The following ZC3H18 variants were observed in gnomAD, a reference collection of about 807,000 sequenced individuals.
ZC3H18 encodes zinc finger CCCH-type containing 18.
In ZC3H18, 8 loss-of-function variants were observed where a neutral mutation model predicts 106.1. That is an observed-to-expected ratio of 0.08 (90% CI 0.04 to 0.14). ZC3H18 has a LOEUF of 0.14. Among genes scored for constraint, ZC3H18 ranks in the 10% least tolerant of loss-of-function variants. ZC3H18 has a pLI of 1.00. For synonymous variants in ZC3H18, 635 were observed against 522.1 expected, an observed-to-expected ratio of 1.22 and a Z score of -2.95; for missense variants, 1,318 against 1,278.4, an observed-to-expected ratio of 1.03 and a Z score of -0.47.
At chr16:88,616,299 C>T (rs955975718) in intron 8 of ZC3H18, among the ~76,000 whole-genome samples, 1 of 152,264 alleles carries the variant, frequency 6.6e-6, no homozygotes, top group Non-Finnish European at 1.5e-5. Context: ...GCTCTTCCCA[C>T]CTGTTTCTGA....
In ZC3H18 at chr16:88,611,155, C is replaced by T. The variant is rs1905250079; in HGVS notation, c.1207-113C>T. 7.3e-6 allele frequency: 5 copies of T among 686,292 alleles called. No homozygotes were observed. The South Asian group carries it at 8.6e-5, about 12-fold the overall frequency. The allele number at this position is 686,292 out of a possible 1,614,324, so 42.5% of individuals were successfully genotyped here. ...GTTTTGTGTGTAGGTTTGTGGGGTA[C>T]AGGTGTGATTCTGTGACACAGACAG... is the stretch of plus-strand genomic sequence containing the variant. On this transcript the variant is annotated intron_variant, in intron 7 of 17. Coordinates refer to ENST00000301011, the MANE Select transcript of ZC3H18 (RefSeq NM_144604.4).
intron 3 of ZC3H18, among the ~76,000 whole-genome samples, chr16:88,587,173 C>T (rs769396384): frequency 6.6e-6 from 1 of 152,180 alleles, no homozygotes; most frequent in African/African-American, 2.4e-5. Context: ...GGGCTCTCTC[C>T]TGTAGAAGGA....
intron 10 of ZC3H18, 117 bp downstream of exon 10, chr16:88,623,461 C>A: frequency 7.2e-7 from 1 of 1,388,352 alleles, no homozygotes; most frequent in Non-Finnish European, 9.7e-7. Flanking sequence ...TCCCTGCTGG[C>A]AGCTGAACTA....
chr16:88,586,445 A>G (rs1028866632), intron 2 of ZC3H18, among the ~76,000 whole-genome samples, 155 bp from the exon 3 acceptor site: 51 of 152,166 alleles, frequency 3.4e-4, no homozygotes, highest in African/African-American at 1.2e-3. Context: ...CCTGCTATGT[A>G]GATCTGGGAC....
intron 4 of ZC3H18, 124 bp downstream of exon 4, chr16:88,598,450 C>T (rs1357414948): frequency 2.2e-5 from 33 of 1,487,970 alleles, no homozygotes; most frequent in Non-Finnish European, 2.5e-5. Flanking sequence ...CTGCTTCTGT[C>T]GTCCCGAGTG....
chr16:88,625,544 G>A (rs1906251276), intron 13 of ZC3H18: 1 of 474,400 alleles, frequency 2.1e-6, no homozygotes, highest in South Asian at 2.2e-5. Flanking sequence ...CTGCTGACTT[G>A]ATGCCCAGCA....
At chr16:88,583,740 C>T (rs1405980888) in intron 2 of ZC3H18, among the ~76,000 whole-genome samples, 1 of 152,216 alleles carries the variant, frequency 6.6e-6, no homozygotes, top group African/African-American at 2.4e-5. Context: ...TCTCCTCACA[C>T]TCACCCTCAG....
At chr16:88,584,637 T>C (rs1241928435) in intron 2 of ZC3H18, among the ~76,000 whole-genome samples, 1 of 152,196 alleles carries the variant, frequency 6.6e-6, no homozygotes, top group African/African-American at 2.4e-5. Context: ...CTGGGGTCAG[T>C]GTGTAGGTGC....
At chr16:88,612,220 T>C (rs780317922) in intron 8 of ZC3H18, among the ~76,000 whole-genome samples, 9 of 152,228 alleles carry the variant, frequency 5.9e-5, no homozygotes, top group Non-Finnish European at 1.3e-4. Context: ...ATTAGAGTAC[T>C]GGATGATGTT....
intron 2 of ZC3H18, among the ~76,000 whole-genome samples, chr16:88,584,782 T>G (rs1915338986): frequency 6.6e-6 from 1 of 152,222 alleles, no homozygotes; most frequent in African/African-American, 2.4e-5. Context: ...CCTTTTTTGC[T>G]TCTGTGAATG....
At chr16:88,622,119 T>A (rs748517783) in intron 8 of ZC3H18, 78 bp from the exon 9 acceptor site, 128 of 1,480,114 alleles carry the variant, frequency 8.6e-5, no homozygotes, top group Non-Finnish European at 1.1e-4. Context: ...ATCCATAGTC[T>A]CTCCCGCTGC....
intron 3 of ZC3H18, among the ~76,000 whole-genome samples, chr16:88,589,510 T>C (rs1008298387): frequency 6.6e-6 from 1 of 152,198 alleles, no homozygotes; most frequent in Non-Finnish European, 1.5e-5. Context: ...CATGCCACAA[T>C]GTGGACAAAC....
intron 3 of ZC3H18, among the ~76,000 whole-genome samples, chr16:88,588,486 A>AT (rs1915563508): frequency 1.3e-5 from 2 of 152,208 alleles, no homozygotes; most frequent in Admixed American, 1.3e-4. Flanking sequence ...AGACAGAGAG[A>AT]TGGTTACTGG....
In ZC3H18 at chr16:88,623,291, C is replaced by T. The variant is rs770213776; in HGVS notation, c.1740C>T (p.Ser580=). The T allele has an allele frequency of 1.9e-6, 3 of 1,613,798 alleles. No individual in the cohort carries two copies. Among genetic ancestry groups the T allele is most frequent in the South Asian group, 1.1e-5 (1 of 91,078 alleles). ...SRSRSRSSSY[S]SYSSRSSRHS... is the part of the protein sequence containing the mutation. ...CGCGATCCCGGTCTTCATCCTACAG[C>T]TCCTACTCCAGCCGCTCTTCCAGAC... The change falls in exon 10 of 18, where the codon AGC becomes AGT. Residue 580 remains serine, a synonymous_variant. Coordinates refer to ENST00000301011, the MANE Select transcript of ZC3H18 (RefSeq NM_144604.4).
chr16:88,614,173 A>G (rs996336934), intron 8 of ZC3H18, among the ~76,000 whole-genome samples: 1 of 152,236 alleles, frequency 6.6e-6, no homozygotes, highest in African/African-American at 2.4e-5. Context: ...TACACCTTCC[A>G]GTAACACTGG....
intron 3 of ZC3H18, among the ~76,000 whole-genome samples, chr16:88,589,236 G>A (rs545889650): frequency 3.9e-5 from 6 of 152,286 alleles, no homozygotes; most frequent in African/African-American, 9.6e-5. Flanking sequence ...AGGGTAAAAC[G>A]GTGCAGCTGC....
At chr16:88,579,148 T>C (rs1306333368) in intron 2 of ZC3H18, among the ~76,000 whole-genome samples, 2 of 152,212 alleles carry the variant, frequency 1.3e-5, no homozygotes, top group African/African-American at 4.8e-5. Flanking sequence ...ACCTGCAAGC[T>C]GAGAATTTTA....
intron 2 of ZC3H18, among the ~76,000 whole-genome samples, chr16:88,578,353 G>T (rs1253312757): frequency 6.6e-6 from 1 of 152,302 alleles, no homozygotes; most frequent in South Asian, 2.1e-4. Context: ...GGGGAAGGTA[G>T]TACTATCTAT....
In ZC3H18 at chr16:88,586,354, A is replaced by G. The variant is rs529031481; in HGVS notation, c.604-246A>G. Among the ~76,000 whole-genome samples, 13 of 152,320 alleles carry G rather than the reference A, an allele frequency of 8.5e-5. No homozygotes were observed. In the East Asian group the frequency reaches 2.3e-3, roughly 27 times the overall value. ...GAAATGTCACGAAAGCCCACTCTGT[A>G]AATTGCCCTGTGTGCTGCACAGTGC... On this transcript the variant is annotated intron_variant, in intron 2 of 17. Transcript: ENST00000301011.
Sources: allele counts gnomAD v4.1 joint callset (sites outside exome capture counted in the v4.1 genomes callset), GRCh38; gene constraint gnomAD v4.1.1; transcripts MANE v1.5; gene names NCBI Gene and HGNC (gene_info 2026-07-23, HGNC 2026-07-21).